The following WDR70 variants were observed in gnomAD, a reference collection of about 807,000 sequenced individuals.
The protein encoded by WDR70 is WD repeat-containing protein 70.
In WDR70, 53 loss-of-function variants were observed where a neutral mutation model predicts 88.6. That is an observed-to-expected ratio of 0.60 (90% CI 0.48 to 0.75). WDR70 has a LOEUF of 0.75. WDR70 is among the 30% of genes least tolerant of loss of function. The pLI, the probability that WDR70 is intolerant of heterozygous loss-of-function variation, is 0.00. For synonymous variants in WDR70, 280 were observed against 270.0 expected (o/e 1.04, Z -0.36); for missense variants, 610 against 823.2 (o/e 0.74, Z 3.17).
At chr5:37,401,496 T>C (rs1371062896) in intron 5 of WDR70, among the ~76,000 whole-genome samples, 2 of 151,938 alleles carry the variant, frequency 1.3e-5, no homozygotes, top group Non-Finnish European at 2.9e-5. Context: ...TTTGTATTTT[T>C]AGTAGAGACG....
rs145159284 is a variant in WDR70 at position 37,585,616 on chromosome 5, T to G, written c.918-19448T>G. The stretch of plus-strand genomic sequence containing the variant: ...TTCATTTTTTAGTGTCTTTCTGTCT[T>G]CTCCAATTCTCCATTTATGTGAAAA... On this transcript the variant is annotated intron_variant, in intron 9 of 17. Transcript: ENST00000265107. 2.4e-4 allele frequency among the ~76,000 whole-genome samples: 37 copies of G among 152,352 alleles called. No individual in the cohort carries two copies. The East Asian group carries it at 6.5e-3, about 27-fold the overall frequency.
intron 10 of WDR70, among the ~76,000 whole-genome samples, chr5:37,674,783 T>A (rs1746147532): frequency 6.6e-6 from 1 of 151,810 alleles, no homozygotes; most frequent in Non-Finnish European, 1.5e-5. Context: ...GTATTTCTAG[T>A]TCTAGATCCC....
At chr5:37,650,120 G>A (rs1294831227) in intron 10 of WDR70, among the ~76,000 whole-genome samples, 5 of 150,352 alleles carry the variant, frequency 3.3e-5, no homozygotes, top group African/African-American at 9.8e-5. Flanking sequence ...GTATTGGGCC[G>A]GGCGCAGTGG....
chr5:37,729,725 T>C (rs1012338865), intron 17 of WDR70, among the ~76,000 whole-genome samples: 5 of 152,196 alleles, frequency 3.3e-5, no homozygotes, highest in African/African-American at 4.8e-5. Context: ...GGTTCATTTT[T>C]TAGTGTTTAT....
intron 5 of WDR70, among the ~76,000 whole-genome samples, chr5:37,429,567 C>T (rs1460992371): frequency 6.6e-6 from 1 of 151,940 alleles, no homozygotes; most frequent in Non-Finnish European, 1.5e-5. Flanking sequence ...AATTGATACC[C>T]AATTGTTTGA....
intron 15 of WDR70, chr5:37,723,167 G>T: frequency 1.8e-6 from 1 of 548,630 alleles, no homozygotes; most frequent in South Asian, 2.4e-5. Context: ...GGAAAAGCCT[G>T]TTCGAGTCCA....
intron 9 of WDR70, among the ~76,000 whole-genome samples, chr5:37,549,368 AT>A: frequency 6.6e-6 from 1 of 152,248 alleles, no homozygotes; most frequent in Non-Finnish European, 1.5e-5. Flanking sequence ...GGTTAAATTA[AT>A]TCCTAGGTAT....
chr5:37,552,177 A>G (rs1742167834), intron 9 of WDR70, among the ~76,000 whole-genome samples: 1 of 152,194 alleles, frequency 6.6e-6, no homozygotes, highest in African/African-American at 2.4e-5. Flanking sequence ...TATAGAGGGC[A>G]CAGTACTTAG....
chr5:37,429,927 A>G (rs1282001978), intron 5 of WDR70, among the ~76,000 whole-genome samples: 2 of 152,220 alleles, frequency 1.3e-5, no homozygotes, highest in Non-Finnish European at 2.9e-5. Context: ...TCTGTAGATT[A>G]GTTTTGAGAG....
In WDR70 at chr5:37,629,412, T is replaced by C. The variant is rs191410314; in HGVS notation, c.1092+24174T>C. The stretch of plus-strand genomic sequence containing the variant: ...TTTTTTCCATCTGGAATGCCCATAG[T>C]ATGAATATTTGCTTGCTTAATGATA... On this transcript the variant is annotated intron_variant, in intron 10 of 17. Coordinates refer to ENST00000265107, the MANE Select transcript of WDR70 (RefSeq NM_018034.4). 2.6e-4 allele frequency among the ~76,000 whole-genome samples: 40 copies of C among 152,326 alleles called. No homozygotes were observed. The East Asian group carries it at 7.5e-3, about 29-fold the overall frequency.
chr5:37,431,864 G>GA (rs1750313816), intron 5 of WDR70, among the ~76,000 whole-genome samples: 1 of 152,186 alleles, frequency 6.6e-6, no homozygotes, highest in South Asian at 2.1e-4. Flanking sequence ...AGGTTCATCT[G>GA]TGTTGTAGCA....
At chr5:37,607,061 C>A (rs1744051686) in intron 10 of WDR70, among the ~76,000 whole-genome samples, 1 of 151,146 alleles carries the variant, frequency 6.6e-6, no homozygotes, top group South Asian at 2.1e-4. Context: ...GCCTCAGCCT[C>A]CTGAGTGGTT....
At chr5:37,567,113 T>C (rs1028041905) in intron 9 of WDR70, among the ~76,000 whole-genome samples, 1 of 152,176 alleles carries the variant, frequency 6.6e-6, no homozygotes, top group African/African-American at 2.4e-5. Context: ...TTTTTATTTG[T>C]AAATAAATGA....
chr5:37,643,387 C>T (rs1453846829), intron 10 of WDR70, among the ~76,000 whole-genome samples: 3 of 151,838 alleles, frequency 2.0e-5, no homozygotes, highest in Non-Finnish European at 4.4e-5. Flanking sequence ...GTTACTGTAC[C>T]TTTGTAGTGT....
intron 10 of WDR70, among the ~76,000 whole-genome samples, chr5:37,665,385 C>T (rs1034399129): frequency 6.6e-6 from 1 of 152,166 alleles, no homozygotes; most frequent in African/African-American, 2.4e-5. Context: ...TTCCCTACTC[C>T]AAGCATGTGG....
At chr5:37,486,412 C>G (rs923506841) in intron 8 of WDR70, among the ~76,000 whole-genome samples, 1 of 151,816 alleles carries the variant, frequency 6.6e-6, no homozygotes, top group South Asian at 2.1e-4. Flanking sequence ...GGCATGATCT[C>G]GGCTCACTAC....
At chr5:37,653,498 A>G (rs1302483041) in intron 10 of WDR70, among the ~76,000 whole-genome samples, 2 of 152,152 alleles carry the variant, frequency 1.3e-5, no homozygotes, top group East Asian at 1.9e-4. Context: ...TGTTTGGGAT[A>G]GTTTCAGAAG....
intron 9 of WDR70, among the ~76,000 whole-genome samples, chr5:37,594,786 C>G (rs1020447346): frequency 6.6e-6 from 1 of 152,186 alleles, no homozygotes; most frequent in Non-Finnish European, 1.5e-5. Flanking sequence ...GAATCTTCTT[C>G]CATTTGTTTG....
chr5:37,627,489 A>G (rs1440682167), intron 10 of WDR70, among the ~76,000 whole-genome samples: 1 of 150,066 alleles, frequency 6.7e-6, no homozygotes, highest in Non-Finnish European at 1.5e-5. Flanking sequence ...TTTTTTCTTC[A>G]TTTTCTAGTT....
Sources: gnomAD v4.1 joint callset for allele counts (sites outside exome capture counted in the v4.1 genomes callset) on GRCh38, gnomAD v4.1.1 for gene constraint, MANE v1.5 for transcripts, NCBI Gene and HGNC (gene_info 2026-07-23, HGNC 2026-07-21) for gene names.